CCDC39: variants seen among roughly 807,000 people sequenced by gnomAD.
The protein encoded by CCDC39 is coiled-coil domain-containing protein 39.
In CCDC39, 113 loss-of-function variants were observed where a neutral mutation model predicts 121.0. That is an observed-to-expected ratio of 0.93 (90% CI 0.80 to 1.09). CCDC39 has a LOEUF of 1.09. Ranked by LOEUF, CCDC39 falls within the 50% of genes least tolerant of loss-of-function variation. CCDC39 has a pLI of 0.00. For missense variants in CCDC39, 1,063 were observed against 1,074.7 expected (o/e 0.99, Z 0.15); for synonymous variants, 349 against 352.2 (o/e 0.99, Z 0.10).
intron 1 of CCDC39, among the ~76,000 whole-genome samples, chr3:180,674,438 A>T (rs1383379945): frequency 6.7e-6 from 1 of 149,648 alleles, no homozygotes; most frequent in Non-Finnish European, 1.5e-5. Context: ...GGACAATTTG[A>T]CTTCCTCTTT....
chr3:180,623,624 T>A (rs528583727), intron 14 of CCDC39, among the ~76,000 whole-genome samples: 2 of 152,134 alleles, frequency 1.3e-5, no homozygotes, highest in East Asian at 3.9e-4. Context: ...TTCCTTTTGC[T>A]CTATCCCACA....
At position 180,651,418 on chromosome 3, in the gene CCDC39, C is replaced by T. The variant is rs867928265; in HGVS notation, c.1150G>A (p.Glu384Lys). The stretch of plus-strand genomic sequence containing the variant: ...AACTTTACCTTCACATCTTTTTCCT[C>T]CTCCTTTAGCATATCTTCCAAATTA... ...ATNLEDMLKE[E>K]EKDVKEVDVQ... The change falls in exon 9 of 20, where the codon GAG (glutamate) becomes AAG (lysine). Residue 384 changes from glutamate to lysine, a missense_variant. Physicochemically the swap from Glu to Lys is moderately conservative, Grantham distance 56. Transcript: ENST00000476379. 3 of 1,557,434 alleles carry T rather than the reference C, an allele frequency of 1.9e-6. No individual in the cohort carries two copies. Among genetic ancestry groups the T allele is most frequent in the Non-Finnish European group, 2.6e-6 (3 of 1,149,768 alleles).
chr3:180,619,595 G>C (rs181344674), intron 15 of CCDC39, among the ~76,000 whole-genome samples: 4 of 151,454 alleles, frequency 2.6e-5, no homozygotes, highest in Non-Finnish European at 5.9e-5. Flanking sequence ...CTAGAGAGGT[G>C]ATATGCCATA....
At chr3:180,652,501 A>G (rs891524241) in intron 7 of CCDC39, among the ~76,000 whole-genome samples, 8 of 152,262 alleles carry the variant, frequency 5.3e-5, no homozygotes, top group Middle Eastern at 3.4e-3. Flanking sequence ...ATGTGTTGAA[A>G]GTAAATACAG....
chr3:180,667,240 G>A (rs1369696552), intron 1 of CCDC39, among the ~76,000 whole-genome samples: 2 of 152,108 alleles, frequency 1.3e-5, no homozygotes, highest in Admixed American at 1.3e-4. Context: ...AAGATTCAGA[G>A]TGTTTACATC....
intron 14 of CCDC39, among the ~76,000 whole-genome samples, chr3:180,628,466 C>G (rs755724370): frequency 7.9e-5 from 12 of 152,282 alleles, no homozygotes; most frequent in Non-Finnish European, 1.3e-4. Context: ...CTCGGCCTCC[C>G]AAAATTCTGG....
chr3:180,615,517 T>G (rs1447044154), intron 19 of CCDC39, among the ~76,000 whole-genome samples: 2 of 152,130 alleles, frequency 1.3e-5, no homozygotes, highest in Admixed American at 6.5e-5. Context: ...GAAAAACAGC[T>G]AGCTATATAA....
intron 13 of CCDC39, among the ~76,000 whole-genome samples, chr3:180,637,005 G>A (rs901722674): frequency 2.6e-5 from 4 of 152,086 alleles, no homozygotes; most frequent in Non-Finnish European, 4.4e-5. Flanking sequence ...ATATTATTCT[G>A]GACAGAGGAA....
Position 180,614,247 on chromosome 3 carries a change from T to C in CCDC39, c.*674A>G, listed in dbSNP as rs1207828983. 6.3e-6 allele frequency: 1 copy of C among 158,410 alleles called. No individual in the cohort carries two copies. The highest frequency in any genetic ancestry group is 6.2e-5 in the Admixed American group (1 of 16,164). 9.8% of individuals were successfully genotyped at this position (158,410 alleles called of 1,614,324 possible). Reference sequence around the variant, plus strand: ...TTGTTTATACTTGGTTGGCTGTATCTGAAAGCAAATCTTTAATGCGTTTAT... The same window carrying C: ...TTGTTTATACTTGGTTGGCTGTATCCGAAAGCAAATCTTTAATGCGTTTAT... On this transcript the variant is annotated 3_prime_UTR_variant, in exon 20 of 20. Coordinates refer to ENST00000476379, the MANE Select transcript of CCDC39 (RefSeq NM_181426.2).
At chr3:180,668,916 T>C (rs2108433361) in intron 1 of CCDC39, among the ~76,000 whole-genome samples, 1 of 152,296 alleles carries the variant, frequency 6.6e-6, no homozygotes, top group East Asian at 1.9e-4. Flanking sequence ...TTGGTGATTT[T>C]TATGTTTTGT....
chr3:180,656,835 A>T (rs1310129569), intron 6 of CCDC39, among the ~76,000 whole-genome samples: 2 of 152,222 alleles, frequency 1.3e-5, no homozygotes, highest in Non-Finnish European at 2.9e-5. Context: ...CACCAGCACC[A>T]TGGCAGTTTT....
At chr3:180,647,336 G>T in intron 10 of CCDC39, 93 bp from the exon 11 acceptor site, 1 of 1,089,562 alleles carries the variant, frequency 9.2e-7, no homozygotes, top group South Asian at 1.6e-5. Flanking sequence ...TATGACTTTG[G>T]ACTAGGCATT....
chr3:180,620,407 A>C (rs1717401916), intron 14 of CCDC39, among the ~76,000 whole-genome samples: 1 of 152,180 alleles, frequency 6.6e-6, no homozygotes, highest in Admixed American at 6.6e-5. Flanking sequence ...GTATTTTGCC[A>C]CAATTTTAAA....
rs375839864 is a variant in CCDC39, at chr3:180,648,171, G to T, written c.1356C>A (p.Tyr452Ter). The change falls in exon 10 of 20, where the codon TAC (tyrosine) becomes TAA (stop). Residue 452 changes from tyrosine to a stop codon, truncating the protein, a stop_gained. Coordinates refer to ENST00000476379, the MANE Select transcript of CCDC39 (RefSeq NM_181426.2). LOFTEE classifies it high-confidence loss of function. ...TCATAAAAGTAACATCTACCTGGCT[G>T]TACATAATTTCTTGCTGCTTCAAGG... The part of the protein sequence containing the change: ...FETLKQQEIM[Y>*]SQDFHIQQVE... The T allele has an allele frequency of 2.5e-5, 41 of 1,610,196 alleles. No individual in the cohort carries two copies. Among genetic ancestry groups the T allele is most frequent in the Non-Finnish European group, 3.2e-5 (38 of 1,177,312 alleles).
chr3:180,634,186 A>ACAG, intron 13 of CCDC39, among the ~76,000 whole-genome samples: 1 of 150,530 alleles, frequency 6.6e-6, no homozygotes, highest in East Asian at 2.0e-4. Context: ...ACTACCAGTA[A>ACAG]CAGCAGCTAA....
At chr3:180,628,034 A>T (rs1717605025) in intron 14 of CCDC39, among the ~76,000 whole-genome samples, 3 of 152,208 alleles carry the variant, frequency 2.0e-5, no homozygotes, top group Admixed American at 2.0e-4. Context: ...ACACCATGTA[A>T]AGATGAAGGC....
At chr3:180,672,893 A>C (rs997885595) in intron 1 of CCDC39, among the ~76,000 whole-genome samples, 1 of 152,218 alleles carries the variant, frequency 6.6e-6, no homozygotes, top group Admixed American at 6.5e-5. Flanking sequence ...GAGAAGACCA[A>C]ATATTGGTAT....
chr3:180,632,566 A>C (rs1038649401), intron 13 of CCDC39, among the ~76,000 whole-genome samples: 11 of 152,194 alleles, frequency 7.2e-5, no homozygotes, highest in African/African-American at 2.7e-4. Flanking sequence ...GATCATAAAA[A>C]CTTGCTGGAC....
rs1718204545 is a variant in CCDC39 at position 180,651,401 on chromosome 3, C to T, written c.1167G>A (p.Lys389=). The change falls in exon 9 of 20, where the codon AAG becomes AAA. Residue 389 remains lysine (K), a splice_region_variant and synonymous_variant. Transcript: ENST00000476379. The part of the protein sequence containing the change: ...DMLKEEEKDV[K]EVDVQLNLIK... ...AAGAAAAATTAAAACTAAACTTTAC[C>T]TTCACATCTTTTTCCTCCTCCTTTA... The T allele has an allele frequency of 6.4e-7, 1 of 1,552,568 alleles. No homozygotes were observed. The highest frequency in any genetic ancestry group is 8.7e-7 in the Non-Finnish European group (1 of 1,147,218).
Sources: gnomAD v4.1 joint callset for allele counts (sites outside exome capture counted in the v4.1 genomes callset) on GRCh38, gnomAD v4.1.1 for gene constraint, MANE v1.5 for transcripts, NCBI Gene and HGNC (gene_info 2026-07-23, HGNC 2026-07-21) for gene names.